EP400: variants seen among roughly 807,000 people sequenced by gnomAD.
The protein encoded by EP400 is E1A-binding protein p400.
In EP400, 105 loss-of-function variants were observed where a neutral mutation model predicts 354.1. The observed-to-expected ratio is 0.30, with a 90% confidence interval of 0.25 to 0.35. The LOEUF is 0.35. Among genes scored for constraint, EP400 ranks in the 10% least tolerant of loss-of-function variants. The probability of loss-of-function intolerance (pLI) is 1.00; values close to 1 mark genes in which losing one functional copy is unlikely to be tolerated. For synonymous variants in EP400, 1,646 were observed against 1,716.9 expected (o/e 0.96, Z 1.02); for missense variants, 3,280 against 4,121.0 (o/e 0.80, Z 5.59).
At position 132,053,551 on chromosome 12, in the gene EP400, C is replaced by T. The variant is rs200092159; in HGVS notation, c.7682C>T (p.Ala2561Val). The change falls in exon 43 of 53, where the codon GCG becomes GTG. Residue 2561 changes from alanine (A) to valine (V), a missense_variant. Ala to Val is a moderately conservative substitution (Grantham distance 64, BLOSUM62 0). This residue lies in a region of EP400 where 255 missense variants were observed against 295.9 expected (regional missense o/e 0.86). Transcript: ENST00000389561. ...CAGCCACAGCCTGTGCAGGCCCCAG[C>T]GAAGGCGCAGCCCGCAATCACGACG... Reference protein sequence around the residue: ...QTQPQPVQAPAKAQPAITTGG... With the variant: ...QTQPQPVQAPVKAQPAITTGG... 279 of 1,559,406 alleles carry T rather than the reference C, an allele frequency of 1.8e-4. 1 individual carries two copies. Among genetic ancestry groups the T allele is most frequent in the African/African-American group, 5.0e-4 (37 of 73,958 alleles).
chr12:132,014,058 C>A, intron 19 of EP400, 145 bp downstream of exon 19: 1 of 1,067,786 alleles, frequency 9.4e-7, no homozygotes, highest in Non-Finnish European at 1.3e-6. Flanking sequence ...CTGGGGGCAG[C>A]AGGCTCTGCA....
At position 132,053,472 on chromosome 12, in the gene EP400, C is replaced by A. The variant is rs975903276; in HGVS notation, c.7603C>A (p.Pro2535Thr). The A allele has an allele frequency of 4.3e-5, 66 of 1,532,794 alleles. No individual in the cohort carries two copies. The highest frequency in any genetic ancestry group is 3.5e-6 in the Non-Finnish European group (4 of 1,145,510). 94.9% of individuals were successfully genotyped at this position (1,532,794 alleles called of 1,614,324 possible). A position where few individuals can be genotyped will look rare whatever the true frequency, so the allele number is the denominator to read the frequency against. ...LPQPQAAGSQ[P>T]PAGPPAVQPQ... Reference sequence around the variant, plus strand: ...ACAACCACAGGCAGCGGGCAGCCAGCCGCCAGCAGGGCCACCAGCTGTCCA... The same window carrying A: ...ACAACCACAGGCAGCGGGCAGCCAGACGCCAGCAGGGCCACCAGCTGTCCA... Residue 2535 changes from proline to threonine, a missense_variant, in exon 43 of 53, where the codon CCG becomes ACG. Physicochemically the swap from Pro to Thr is conservative, Grantham distance 38 (BLOSUM62 -1). This residue lies in a region of EP400 where 255 missense variants were observed against 295.9 expected (regional missense o/e 0.86). Coordinates refer to ENST00000389561, the MANE Select transcript of EP400 (RefSeq NM_015409.5).
At chr12:132,015,331 T>C (rs891548504) in intron 19 of EP400, among the ~76,000 whole-genome samples, 1 of 152,244 alleles carries the variant, frequency 6.6e-6, no homozygotes, top group Non-Finnish European at 1.5e-5. Flanking sequence ...AGAAACCGCT[T>C]TGCCATGTTG....
chr12:131,969,429 C>T (rs1007830663), intron 2 of EP400, among the ~76,000 whole-genome samples: 2 of 152,184 alleles, frequency 1.3e-5, no homozygotes, highest in African/African-American at 4.8e-5. Flanking sequence ...ATGAAGTTGC[C>T]TGATGCTCCT....
At chr12:131,991,379 G>A (rs1893029370) in intron 9 of EP400, 28 bp from the exon 10 acceptor site, 3 of 1,613,460 alleles carry the variant, frequency 1.9e-6, no homozygotes, top group African/African-American at 1.3e-5. Context: ...GGGGCCTTGG[G>A]AACGAACTGT....
intron 2 of EP400, among the ~76,000 whole-genome samples, chr12:131,969,048 T>C (rs1489058146): frequency 1.3e-5 from 2 of 151,580 alleles, no homozygotes; most frequent in Admixed American, 6.6e-5. Flanking sequence ...TACTTTTCTT[T>C]TTTTTTTTTA....
At chr12:131,972,389 G>A (rs1416013647) in intron 2 of EP400, among the ~76,000 whole-genome samples, 1 of 151,896 alleles carries the variant, frequency 6.6e-6, no homozygotes, top group Non-Finnish European at 1.5e-5. Context: ...TCCTGACCTC[G>A]TGATCCGCCC....
chr12:131,995,547 T>C (rs374368996), intron 12 of EP400, among the ~76,000 whole-genome samples: 65 of 149,842 alleles, frequency 4.3e-4, no homozygotes, highest in East Asian at 4.2e-3. Context: ...GAGAACTTCA[T>C]GTGAATGAAT....
chr12:131,968,355 G>A (rs1161710395), intron 2 of EP400, among the ~76,000 whole-genome samples: 1 of 152,172 alleles, frequency 6.6e-6, no homozygotes, highest in Non-Finnish European at 1.5e-5. Context: ...ATGTTGAGTT[G>A]ACTTGCACCT....
intron 1 of EP400, among the ~76,000 whole-genome samples, chr12:131,956,308 A>T (rs1891696996): frequency 6.6e-6 from 1 of 152,004 alleles, no homozygotes; most frequent in Non-Finnish European, 1.5e-5. Flanking sequence ...TAATATTCTG[A>T]TACGTTTCAG....
intron 43 of EP400, among the ~76,000 whole-genome samples, chr12:132,053,975 G>A (rs1285804038): frequency 2.0e-5 from 3 of 152,172 alleles, no homozygotes; most frequent in Non-Finnish European, 4.4e-5. Flanking sequence ...TGCCTGTGTC[G>A]GTGTCTCAAA....
chr12:131,981,650 G>A (rs753952448), intron 4 of EP400, 54 bp downstream of exon 4: 190 of 1,477,752 alleles, frequency 1.3e-4, no homozygotes, highest in Admixed American at 1.6e-4. Flanking sequence ...AGCACACTGC[G>A]GTTCCAGAAA....
chr12:131,996,633 T>C (rs1430830553), intron 12 of EP400, among the ~76,000 whole-genome samples: 3 of 152,146 alleles, frequency 2.0e-5, no homozygotes, highest in Admixed American at 2.0e-4. Context: ...ATATATATCT[T>C]TAGTTTTATT....
Position 132,045,508 on chromosome 12 carries a change from C to A in EP400, c.6974C>A (p.Pro2325His), listed in dbSNP as rs1453035975. The A allele has an allele frequency of 1.2e-6, 2 of 1,614,202 alleles. No homozygotes were observed. Among genetic ancestry groups the A allele is most frequent in the Non-Finnish European group, 1.7e-6 (2 of 1,180,044 alleles). The change falls in exon 38 of 53, where the codon CCT becomes CAT. Residue 2325 changes from proline (P) to histidine (H), a missense_variant. Physicochemically the swap from Pro to His is moderately conservative, Grantham distance 77. This residue lies in a region of EP400 where 231 missense variants were observed against 257.9 expected (regional missense o/e 0.90). Transcript: ENST00000389561. ...ACTTTTGCCAAACCCACAGCTGAGC[C>A]TGGTCAAGACAACCCCGAGTGGCTC... Reference protein sequence around the residue: ...LPTFAKPTAEPGQDNPEWLIS... With the variant: ...LPTFAKPTAEHGQDNPEWLIS...
At chr12:132,006,346 CAG>C in intron 14 of EP400, 44 bp downstream of exon 14, 1 of 1,594,642 alleles carries the variant, frequency 6.3e-7, no homozygotes, top group South Asian at 1.1e-5. Context: ...CTTTGAGAGA[CAG>C]AGCACATAGC....
chr12:132,041,941 TTTTTTTTTCTTTTTC>T (rs1177408524), intron 32 of EP400, among the ~76,000 whole-genome samples: 1 of 148,036 alleles, frequency 6.8e-6, no homozygotes, highest in Non-Finnish European at 1.5e-5. Context: ...TCTCTATTTC[TTTTTTTTTCTTTTTC>T]TTTTTTTTTT....
chr12:132,064,222 C>T (rs1895811308), intron 47 of EP400, among the ~76,000 whole-genome samples: 1 of 152,188 alleles, frequency 6.6e-6, no homozygotes, highest in Admixed American at 6.5e-5. Context: ...TTGCCTGTCT[C>T]CTTCGTTCCT....
intron 51 of EP400, among the ~76,000 whole-genome samples, chr12:132,073,157 T>G (rs1304072295): frequency 1.3e-5 from 2 of 152,156 alleles, no homozygotes; most frequent in East Asian, 3.8e-4. Context: ...CTCTTTTGTT[T>G]GGACTCTGTT....
In EP400 at chr12:132,044,144, G is replaced by T. The variant is rs773626435; in HGVS notation, c.6451-33G>T. 6 of 1,611,200 alleles carry T rather than the reference G, an allele frequency of 3.7e-6. No individual in the cohort carries two copies. In the East Asian group the frequency reaches 1.3e-4, roughly 36 times the overall value. ...GGGGGCTGCTCTGAGCTGCACTCCT[G>T]ATCCTGAAAGTTCTTGCTGCTCTCC... On this transcript the variant is annotated intron_variant, in intron 34 of 52. Coordinates refer to ENST00000389561, the MANE Select transcript of EP400 (RefSeq NM_015409.5).
Sources: allele counts gnomAD v4.1 joint callset (sites outside exome capture counted in the v4.1 genomes callset), GRCh38; gene constraint gnomAD v4.1.1; regional missense constraint gnomAD v4.1.1; transcripts MANE v1.5; gene names NCBI Gene and HGNC (gene_info 2026-07-23, HGNC 2026-07-21).